Variants in SLC38A12 observed in about 807,000 individuals in gnomAD.
SLC38A12 encodes the protein solute carrier family 38 member 12, also known as putative sodium-coupled neutral amino acid transporter 12.
At chr17:74,783,279 A>G in the SLC38A12 span, among the ~76,000 whole-genome samples, 3 of 152,238 alleles carry the variant, frequency 2.0e-5, no homozygotes, top group Admixed American at 2.0e-4. Context: ...AAATGCAGAG[A>G]GAAGTGAGAC....
At chr17:74,813,017 G>A in the SLC38A12 span, among the ~76,000 whole-genome samples, 1 of 152,166 alleles carries the variant, frequency 6.6e-6, no homozygotes, top group Non-Finnish European at 1.5e-5. Flanking sequence ...AAAGAAATAA[G>A]CACACACTTA....
chr17:74,812,348 G>C, the SLC38A12 span, among the ~76,000 whole-genome samples: 49 of 152,138 alleles, frequency 3.2e-4, no homozygotes, highest in Admixed American at 9.2e-4. Flanking sequence ...ACTCACCTTC[G>C]TGTGGGTGAA....
chr17:74,796,304 T>C, the SLC38A12 span, among the ~76,000 whole-genome samples: 1 of 152,220 alleles, frequency 6.6e-6, no homozygotes, highest in Non-Finnish European at 1.5e-5. Flanking sequence ...TGTTGCAGTA[T>C]CTGTTAATAT....
chr17:74,804,566 G>A, the SLC38A12 span, among the ~76,000 whole-genome samples: 1 of 152,218 alleles, frequency 6.6e-6, no homozygotes, highest in South Asian at 2.1e-4. Context: ...CGCTGACAGT[G>A]GACCAAGGAA....
chr17:74,789,779 A>C, the SLC38A12 span, among the ~76,000 whole-genome samples: 1 of 142,362 alleles, frequency 7.0e-6, no homozygotes, highest in Admixed American at 7.4e-5. Flanking sequence ...TGGGAGGCAG[A>C]GGTTGCAGTG....
the SLC38A12 span, among the ~76,000 whole-genome samples, chr17:74,813,838 G>T: frequency 6.6e-6 from 1 of 152,154 alleles, no homozygotes; most frequent in Non-Finnish European, 1.5e-5. Flanking sequence ...TAGCCCCTCT[G>T]TCTTCCTTCC....
At chr17:74,807,123 G>A in the SLC38A12 span, among the ~76,000 whole-genome samples, 3 of 44,990 alleles carry the variant, frequency 6.7e-5, no homozygotes, top group East Asian at 5.6e-4. Flanking sequence ...ACCCCACCCC[G>A]CCAGTGTCAT....
chr17:74,788,703 TG>T, the SLC38A12 span: 2 of 1,160,290 alleles, frequency 1.7e-6, no homozygotes, highest in Admixed American at 3.8e-5. Context: ...CTGGTGGGTC[TG>T]GTCGGTTCTT....
the SLC38A12 span, among the ~76,000 whole-genome samples, chr17:74,827,182 T>C: frequency 6.6e-6 from 1 of 151,974 alleles, no homozygotes; most frequent in Non-Finnish European, 1.5e-5. This position sits in a 1 kb window ranked among gnomAD's most constrained non-coding sequence, Gnocchi z 4.7. Flanking sequence ...GGGCAATGGG[T>C]TTCTGCAATG....
the SLC38A12 span, chr17:74,837,582 A>G: frequency 2.0e-6 from 2 of 985,228 alleles, no homozygotes; most frequent in Non-Finnish European, 2.4e-6. Context: ...CACCCTGACA[A>G]TGGTCAGGCT....
the SLC38A12 span, among the ~76,000 whole-genome samples, chr17:74,789,832 CA>C: frequency 1.3e-5 from 1 of 76,164 alleles, no homozygotes; most frequent in South Asian, 4.0e-4. Context: ...GCAACAAGAG[CA>C]AAACTTCGTC....
the SLC38A12 span, among the ~76,000 whole-genome samples, chr17:74,799,137 T>TAG: frequency 6.6e-6 from 1 of 152,158 alleles, no homozygotes; most frequent in Non-Finnish European, 1.5e-5. Context: ...TCCCTCCTCC[T>TAG]AGAGAGAGTC....
the SLC38A12 span, among the ~76,000 whole-genome samples, chr17:74,824,983 C>T: frequency 3.9e-5 from 6 of 152,214 alleles, no homozygotes; most frequent in Admixed American, 2.0e-4. Context: ...CTGATCCCTG[C>T]AGACAGCCTC....
the SLC38A12 span, among the ~76,000 whole-genome samples, chr17:74,808,588 A>G: frequency 6.6e-6 from 1 of 152,108 alleles, no homozygotes; most frequent in Admixed American, 6.5e-5. Flanking sequence ...AATGACAGAC[A>G]TCAGTCTCAG....
chr17:74,821,091 C>G, the SLC38A12 span, among the ~76,000 whole-genome samples: 3 of 152,358 alleles, frequency 2.0e-5, no homozygotes, highest in East Asian at 3.9e-4. Flanking sequence ...GAGCTCACGA[C>G]TGGATGAGGC....
the SLC38A12 span, among the ~76,000 whole-genome samples, chr17:74,813,266 G>T: frequency 6.6e-6 from 1 of 152,228 alleles, no homozygotes; most frequent in Non-Finnish European, 1.5e-5. Flanking sequence ...AGGAGGCAGG[G>T]CTGGGAGGGA....
the SLC38A12 span, chr17:74,794,952 A>AG: frequency 6.9e-7 from 1 of 1,443,606 alleles, no homozygotes; most frequent in East Asian, 2.3e-5. Flanking sequence ...AAGAAGAAAA[A>AG]AAAAAAAACA....
At chr17:74,802,819 A>G in the SLC38A12 span, among the ~76,000 whole-genome samples, 3 of 151,990 alleles carry the variant, frequency 2.0e-5, no homozygotes, top group South Asian at 2.1e-4. Flanking sequence ...CCCCATCTCC[A>G]TTGTCTGTAA....
At chr17:74,791,100 C>T in the SLC38A12 span, 10 of 1,447,418 alleles carry the variant, frequency 6.9e-6, no homozygotes, top group Non-Finnish European at 9.6e-6. Context: ...TGCAGGCCTG[C>T]ACCCTTGTAA....
Sources: allele counts gnomAD v4.1 joint callset (sites outside exome capture counted in the v4.1 genomes callset), GRCh38; gene constraint gnomAD v4.1.1; non-coding constraint Gnocchi (gnomAD v3.1); transcripts MANE v1.5; gene names NCBI Gene and HGNC (gene_info 2026-07-23, HGNC 2026-07-21).